Variants in MARCHF1 observed in about 807,000 individuals in gnomAD.
The protein encoded by MARCHF1 is membrane associated ring-CH-type finger 1, also known as E3 ubiquitin-protein ligase MARCHF1.
Under a neutral mutation model 54.2 loss-of-function variants are expected in MARCHF1, and 40 were observed. That is an observed-to-expected ratio of 0.74 (90% confidence interval 0.57 to 0.96). The LOEUF (loss-of-function observed/expected upper bound fraction) is 0.96. Ranked by LOEUF, MARCHF1 falls within the 40% of genes least tolerant of loss-of-function variation. The pLI, the probability that MARCHF1 is intolerant of heterozygous loss-of-function variation, is 0.00. For missense variants in MARCHF1, 586 were observed against 656.5 expected (o/e 0.89, Z 1.17); for synonymous variants, 236 against 236.3 (o/e 1.00, Z 0.01).
rs1280171413 is a variant in MARCHF1 at position 163,704,690 on chromosome 4, TAG to T, written c.112-3829_112-3828del. Among the ~76,000 whole-genome samples the T allele has an allele frequency of 2.6e-5, 4 of 151,654 alleles. No homozygotes were observed. The South Asian group carries it at 6.2e-4, about 24-fold the overall frequency. On this transcript the variant is annotated intron_variant, in intron 4 of 9. Coordinates refer to ENST00000514618, the MANE Select transcript of MARCHF1 (RefSeq NM_001394959.1). ...AACTCTGAAATAGAGCCAGAAGCTA[TAG>T]AATATATAATATTAAAACCTATAGC...
At chr4:163,805,287 G>T (rs935529381) in intron 4 of MARCHF1, among the ~76,000 whole-genome samples, 1 of 151,796 alleles carries the variant, frequency 6.6e-6, no homozygotes, top group Non-Finnish European at 1.5e-5. Context: ...TTATAAGAAT[G>T]CCATAATTGT....
intron 1 of MARCHF1, among the ~76,000 whole-genome samples, chr4:164,125,330 TTAACA>T (rs1286533957): frequency 6.6e-6 from 1 of 152,122 alleles, no homozygotes; most frequent in Non-Finnish European, 1.5e-5. Flanking sequence ...GAATAAATAC[TTAACA>T]TAATAAAATA....
intron 8 of MARCHF1, among the ~76,000 whole-genome samples, chr4:163,577,968 A>C (rs1248468534): frequency 1.3e-5 from 2 of 151,944 alleles, no homozygotes; most frequent in African/African-American, 4.8e-5. Flanking sequence ...TTAAATATGA[A>C]ATTAATTTAA....
At chr4:163,833,308 C>T (rs889527048) in intron 4 of MARCHF1, among the ~76,000 whole-genome samples, 1 of 152,126 alleles carries the variant, frequency 6.6e-6, no homozygotes, top group African/African-American at 2.4e-5. Flanking sequence ...TAGGCATGGG[C>T]AAGAACTTCA....
intron 3 of MARCHF1, among the ~76,000 whole-genome samples, chr4:163,935,709 T>C (rs76820980): frequency 1.6e-4 from 24 of 149,864 alleles, no homozygotes; most frequent in Middle Eastern, 3.4e-3. Context: ...TTTCTTTTTT[T>C]TTTTTTTTTT....
chr4:163,574,251 C>T (rs1473825498), intron 8 of MARCHF1, among the ~76,000 whole-genome samples: 1 of 152,134 alleles, frequency 6.6e-6, no homozygotes, highest in Admixed American at 6.6e-5. Flanking sequence ...AATTTTCTCC[C>T]ATTTTTGTGG....
chr4:164,266,038 T>C (rs529431757), intron 1 of MARCHF1, among the ~76,000 whole-genome samples: 1 of 152,326 alleles, frequency 6.6e-6, no homozygotes, highest in Non-Finnish European at 1.5e-5. Context: ...TGTTCGCTCC[T>C]GCCACAGTCA....
chr4:163,782,198 G>C (rs1305032076), intron 4 of MARCHF1, among the ~76,000 whole-genome samples: 1 of 69,640 alleles, frequency 1.4e-5, no homozygotes, highest in Non-Finnish European at 4.1e-5. Flanking sequence ...TGAAGAGATG[G>C]GAATTGGATA....
At chr4:164,325,704 G>A (rs1382113663) in intron 1 of MARCHF1, among the ~76,000 whole-genome samples, 1 of 151,916 alleles carries the variant, frequency 6.6e-6, no homozygotes, top group African/African-American at 2.4e-5. Context: ...TCCAGCCTGG[G>A]TGACAAGAGC....
intron 1 of MARCHF1, among the ~76,000 whole-genome samples, chr4:164,184,743 C>T (rs899195343): frequency 6.6e-6 from 1 of 152,110 alleles, no homozygotes; most frequent in African/African-American, 2.4e-5. Context: ...CAGGAAAGGC[C>T]CAAGCCTCAT....
intron 5 of MARCHF1, among the ~76,000 whole-genome samples, chr4:163,662,631 G>A (rs965021916): frequency 3.3e-5 from 5 of 151,888 alleles, no homozygotes; most frequent in African/African-American, 1.2e-4. Flanking sequence ...TCAAATATCT[G>A]TTGATCTCTG....
intron 1 of MARCHF1, among the ~76,000 whole-genome samples, chr4:164,373,144 A>C (rs188320201): frequency 2.0e-5 from 3 of 152,280 alleles, no homozygotes; most frequent in Admixed American, 2.0e-4. Context: ...GCTACTGAGA[A>C]AATACTATCA....
chr4:164,273,056 T>G (rs1280616854), intron 1 of MARCHF1, among the ~76,000 whole-genome samples: 1 of 147,988 alleles, frequency 6.8e-6, no homozygotes, highest in Non-Finnish European at 1.5e-5. Context: ...GTAAGATAAT[T>G]TTTTTTTTTT....
intron 1 of MARCHF1, among the ~76,000 whole-genome samples, chr4:164,116,269 T>C (rs903827158): frequency 6.6e-6 from 1 of 152,170 alleles, no homozygotes. Flanking sequence ...CTTTCCAAAA[T>C]ATCTGCTTTT....
At chr4:164,116,023 T>G (rs1755932585) in intron 1 of MARCHF1, among the ~76,000 whole-genome samples, 1 of 152,128 alleles carries the variant, frequency 6.6e-6, no homozygotes, top group Non-Finnish European at 1.5e-5. Flanking sequence ...GATCTTTTTT[T>G]GTAAGGTTTA....
chr4:163,996,678 A>G (rs1753082735), intron 2 of MARCHF1, among the ~76,000 whole-genome samples: 1 of 152,042 alleles, frequency 6.6e-6, no homozygotes, highest in Non-Finnish European at 1.5e-5. Context: ...TCAATTTAGA[A>G]TGGTCTTATT....
chr4:163,974,114 T>C (rs1032483687), intron 3 of MARCHF1, among the ~76,000 whole-genome samples: 4 of 152,218 alleles, frequency 2.6e-5, no homozygotes, highest in Admixed American at 6.5e-5. Flanking sequence ...TGTGTGGTTG[T>C]TTTAGACATG....
chr4:164,210,556 A>C (rs1054943660), intron 1 of MARCHF1, among the ~76,000 whole-genome samples: 1 of 152,176 alleles, frequency 6.6e-6, no homozygotes, highest in Non-Finnish European at 1.5e-5. Context: ...TGAAGATCTG[A>C]GTCATCTGGA....
chr4:163,994,342 G>C (rs41479152), intron 2 of MARCHF1, among the ~76,000 whole-genome samples: 6,168 of 149,950 alleles, frequency 0.041, 243 homozygotes, highest in East Asian at 0.19. Context: ...AGGGCTGTAA[G>C]GCTCCTTCCC....
Sources: allele counts gnomAD v4.1 joint callset (sites outside exome capture counted in the v4.1 genomes callset), GRCh38; gene constraint gnomAD v4.1.1; transcripts MANE v1.5; gene names NCBI Gene and HGNC (gene_info 2026-07-23, HGNC 2026-07-21).